The following TNIP1 variants were observed in gnomAD, a reference collection of about 807,000 sequenced individuals.
TNIP1 encodes TNFAIP3 interacting protein 1.
TNIP1 carries 22 observed loss-of-function variants against 86.6 expected under a neutral mutation model. That is an observed-to-expected ratio of 0.25 (90% CI 0.18 to 0.36). The LOEUF (loss-of-function observed/expected upper bound fraction) is 0.36. Ranked by LOEUF, TNIP1 falls within the 10% of genes least tolerant of loss-of-function variation. TNIP1 has a pLI of 1.00. For missense variants in TNIP1, 709 were observed against 820.6 expected (o/e 0.86, Z 1.66); for synonymous variants, 294 against 313.0 (o/e 0.94, Z 0.64).
At chr5:151,081,847 A>G (rs1764051220), upstream of TNIP1, among the ~76,000 whole-genome samples, 2 of 152,216 alleles carry the variant, frequency 1.3e-5, no homozygotes, top group South Asian at 4.1e-4. Flanking sequence ...TAGACCGGTA[A>G]GGAACATAAA....
In TNIP1 at chr5:151,042,678, T is replaced by C. The variant is rs1758591422; in HGVS notation, c.1003-7A>G. Reference sequence around the variant, plus strand: ...TCTGACGCAGCTCAGTGATCTGGGTTCAGAGGCAGAGAGGAGTGTGTGAGG... The same window carrying C: ...TCTGACGCAGCTCAGTGATCTGGGTCCAGAGGCAGAGAGGAGTGTGTGAGG... On this transcript the variant is annotated splice_polypyrimidine_tract_variant and splice_region_variant and intron_variant, in intron 10 of 17. Coordinates refer to ENST00000521591, the MANE Select transcript of TNIP1 (RefSeq NM_006058.5). 1.2e-6 allele frequency: 2 copies of C among 1,613,762 alleles called. No individual in the cohort carries two copies. The highest frequency in any genetic ancestry group is 1.3e-5 in the African/African-American group (1 of 75,052).
At chr5:151,037,473 C>T (rs373706660) in intron 12 of TNIP1, 2 of 152,232 alleles carry the variant, frequency 1.3e-5, no homozygotes, top group Non-Finnish European at 2.9e-5. Context: ...CACTTATGTA[C>T]ATAGAGAAGA....
At position 151,069,460 on chromosome 5, in the gene TNIP1, C is replaced by CT. The variant is rs150367226; in HGVS notation, c.-36-4330dup. On this transcript the variant is annotated intron_variant, in intron 1 of 17. Coordinates refer to ENST00000521591, the MANE Select transcript of TNIP1 (RefSeq NM_006058.5). ...GGAAGAAGGCAGGGCTGATACCTGC[C>CT]TGATGGATAAGGAAACTGAAGTCCA... 2.2e-3 allele frequency among the ~76,000 whole-genome samples: 338 copies of CT among 152,280 alleles called. 1 individual carries two copies. The highest frequency in any genetic ancestry group is 7.8e-3 in the African/African-American group (324 of 41,560).
rs144751861 is a variant in TNIP1 at position 151,033,751 on chromosome 5, C to T, written c.1636G>A (p.Gly546Arg). The T allele has an allele frequency of 1.8e-5, 25 of 1,363,866 alleles. No homozygotes were observed. In the African/African-American group the frequency reaches 2.1e-4, roughly 11 times the overall value. The allele number at this position is 1,363,866 out of a possible 1,614,324, so 84.5% of individuals were successfully genotyped here. ...HVEPHPEHLC[G>R]AYPYAYPPMP... ...GGCGGGTAGGCGTAGGGGTAGGCCC[C>T]GCAGAGATGTTCTGGGTGGGGCTCC... is the stretch of plus-strand genomic sequence containing the variant. Residue 546 changes from glycine (G) to arginine (R), a missense_variant, in exon 16 of 18, where the codon GGG becomes AGG. By Grantham distance (125) the Gly-to-Arg change is moderately radical. Coordinates refer to ENST00000521591, the MANE Select transcript of TNIP1 (RefSeq NM_006058.5).
intron 15 of TNIP1, 84 bp from the exon 16 acceptor site, chr5:151,033,883 G>T: frequency 8.0e-7 from 1 of 1,244,280 alleles, no homozygotes; most frequent in Non-Finnish European, 1.1e-6. Context: ...TAGAATGTTA[G>T]CTCTCTGAAG....
intron 1 of TNIP1, among the ~76,000 whole-genome samples, chr5:151,068,088 G>A (rs573578095): frequency 1.3e-5 from 2 of 152,250 alleles, no homozygotes; most frequent in African/African-American, 2.4e-5. Context: ...AGCCTCAGGG[G>A]GCAGAGCTTG....
chr5:151,065,057 C>T lies in TNIP1; in HGVS notation c.39G>A (p.Gly13=), dbSNP rs138804003. Residue 13 remains glycine (G), a synonymous_variant, in exon 2 of 18, where the codon GGG becomes GGA. Transcript: ENST00000521591. ...GRGPYRIYDP[G]GSVPSGEASA... is the part of the protein sequence containing the mutation. ...ATGCCTCTCCTGAGGGCACGCTGCC[C>T]CCAGGGTCGTAGATCCGGTACGGTC... 5 of 1,614,164 alleles carry T rather than the reference C, an allele frequency of 3.1e-6. No individual in the cohort carries two copies. The highest frequency in any genetic ancestry group is 4.2e-6 in the Non-Finnish European group (5 of 1,180,024).
chr5:151,056,196 G>A (rs540340018), intron 6 of TNIP1, among the ~76,000 whole-genome samples: 1 of 152,332 alleles, frequency 6.6e-6, no homozygotes, highest in African/African-American at 2.4e-5. Flanking sequence ...ATAACTCCAA[G>A]GTCTGGCCTG....
chr5:151,086,721 C>T (rs1306289361), intron 1 of TNIP1, among the ~76,000 whole-genome samples: 1 of 152,212 alleles, frequency 6.6e-6, no homozygotes, highest in Non-Finnish European at 1.5e-5. Context: ...CACTTGCATA[C>T]CTCCCTTTTC....
At chr5:151,066,475 C>G (rs535008942) in intron 1 of TNIP1, among the ~76,000 whole-genome samples, 88 of 152,338 alleles carry the variant, frequency 5.8e-4, no homozygotes, top group African/African-American at 2.0e-3. Context: ...CAAAGACCCT[C>G]CCAAGTCCAC....
At chr5:151,039,623 G>A (rs773508458) in intron 11 of TNIP1, among the ~76,000 whole-genome samples, 4 of 152,218 alleles carry the variant, frequency 2.6e-5, no homozygotes, top group South Asian at 2.1e-4. Flanking sequence ...AACTGAATGC[G>A]AAATTTTGTT....
At chr5:151,050,872 G>A (rs534544039) in intron 7 of TNIP1, among the ~76,000 whole-genome samples, 1 of 152,114 alleles carries the variant, frequency 6.6e-6, no homozygotes, top group African/African-American at 2.4e-5. Flanking sequence ...GAGGGGTGGT[G>A]ATGTATTTCA....
chr5:151,048,218 T>C (rs1207207468), intron 8 of TNIP1, among the ~76,000 whole-genome samples: 1 of 152,078 alleles, frequency 6.6e-6, no homozygotes, highest in Non-Finnish European at 1.5e-5. Context: ...GGCTCTAGGG[T>C]GGTGCACCCT....
chr5:151,072,738 C>A (rs879897540), intron 1 of TNIP1, among the ~76,000 whole-genome samples: 3 of 152,104 alleles, frequency 2.0e-5, no homozygotes, highest in Non-Finnish European at 4.4e-5. Flanking sequence ...ACCCAACATT[C>A]CAGGCATGGT....
intron 6 of TNIP1, among the ~76,000 whole-genome samples, chr5:151,053,101 CTTTTTTTTTTTTTTT>C (rs11390788): frequency 1.2e-5 from 1 of 85,230 alleles, no homozygotes; most frequent in Admixed American, 1.4e-4. Context: ...AACTGTTTCT[CTTTTTTTTTTTTTTT>C]TTTTTTTTTT....
chr5:151,074,747 A>G (rs532851542), intron 1 of TNIP1, among the ~76,000 whole-genome samples: 7 of 152,346 alleles, frequency 4.6e-5, no homozygotes, highest in African/African-American at 1.7e-4. Context: ...AGGAAATACT[A>G]TACAGCAGTG....
At chr5:151,079,559 T>A (rs997396966) in intron 1 of TNIP1, among the ~76,000 whole-genome samples, 1 of 151,810 alleles carries the variant, frequency 6.6e-6, no homozygotes, top group Non-Finnish European at 1.5e-5. Flanking sequence ...GGGAGGCAAG[T>A]TGCCGTGAGC....
intron 4 of TNIP1, among the ~76,000 whole-genome samples, chr5:151,061,480 A>ATTT (rs5872187): frequency 3.4e-5 from 5 of 146,344 alleles, no homozygotes; most frequent in East Asian, 2.0e-4. Flanking sequence ...AAATCTGTAG[A>ATTT]TTTTTTTTTT....
rs55637016 is a variant in TNIP1 at position 151,059,779 on chromosome 5, CAGAGAGAGAGAGAGAGAG to C, written c.435+521_435+538del. On this transcript the variant is annotated intron_variant, in intron 5 of 17. Coordinates refer to ENST00000521591, the MANE Select transcript of TNIP1 (RefSeq NM_006058.5). ...AGACGCTCCAGAGCTGTACGAGAGA[CAGAGAGAGAGAGAGAGAG>C]AGAGAGAGAGAGAGAGAGAGAGAGA... is the stretch of plus-strand genomic sequence containing the variant. 2.0e-3 allele frequency among the ~76,000 whole-genome samples: 137 copies of C among 67,390 alleles called. 1 individual carries two copies. Among genetic ancestry groups the C allele is most frequent in the Middle Eastern group, 0.023 (2 of 86 alleles). The allele number at this position is 67,390 out of a possible 152,430, so 44.2% of individuals were successfully genotyped here. A position where few individuals can be genotyped will look rare whatever the true frequency, so the allele number is the denominator to read the frequency against.
Sources: gnomAD v4.1 joint callset for allele counts (sites outside exome capture counted in the v4.1 genomes callset) on GRCh38, gnomAD v4.1.1 for gene constraint, MANE v1.5 for transcripts, NCBI Gene and HGNC (gene_info 2026-07-23, HGNC 2026-07-21) for gene names.